DNAH8: variants seen among roughly 807,000 people sequenced by gnomAD.
The protein encoded by DNAH8 is dynein axonemal heavy chain 8.
DNAH8 carries 382 observed loss-of-function variants against 562.1 expected under a neutral mutation model. The ratio of observed to expected loss-of-function variants is 0.68; its 90% CI spans 0.63 to 0.74. The LOEUF (loss-of-function observed/expected upper bound fraction) is 0.74. DNAH8 is among the 30% of genes least tolerant of loss of function. DNAH8 has a pLI of 0.00. For missense variants in DNAH8, 5,203 were observed against 5,620.4 expected (o/e 0.93, Z 2.37); for synonymous variants, 1,881 against 1,919.4 (o/e 0.98, Z 0.52).
rs547871 is a variant in DNAH8 at position 38,945,874 on chromosome 6, C to G, written c.12129+286C>G. ...TGGAATCAGAACCAGTAGATGGACC[C>G]TTTTATTGTAGACGACTCATGCTTT... On this transcript the variant is annotated intron_variant, in intron 80 of 92. Coordinates refer to ENST00000327475, the MANE Select transcript of DNAH8 (RefSeq NM_001206927.2). Among the ~76,000 whole-genome samples the G allele has an allele frequency of 0.31, 46,829 of 152,006 alleles. 8,875 individuals are homozygous for G. The highest frequency in any genetic ancestry group is 0.42 in the Non-Finnish European group (28,840 of 67,944).
intron 3 of DNAH8, among the ~76,000 whole-genome samples, chr6:38,726,515 C>T (rs1191424760): frequency 6.6e-6 from 1 of 152,144 alleles, no homozygotes; most frequent in Non-Finnish European, 1.5e-5. Context: ...ACCTTTAAGG[C>T]CATTATGGTC....
chr6:38,906,411 A>T lies in DNAH8; in HGVS notation c.9348+4A>T, dbSNP rs1429058397. The T allele has an allele frequency of 6.4e-7, 1 of 1,556,296 alleles. No homozygotes were observed. The highest frequency in any genetic ancestry group is 8.7e-7 in the Non-Finnish European group (1 of 1,153,682). ...CAACTTGCTATCTTCAGGGGAGGTA[A>T]GTCTCAAAAGTAGAGAAAAAGCCCA... On this transcript the variant is annotated splice_donor_region_variant and intron_variant, in intron 63 of 92. Transcript: ENST00000327475.
At chr6:38,951,262 T>C in intron 81 of DNAH8, 56 bp from the exon 82 acceptor site, 1 of 1,456,128 alleles carries the variant, frequency 6.9e-7, no homozygotes, top group Non-Finnish European at 9.6e-7. Flanking sequence ...CTTACTCAGA[T>C]AGGATAAAAA....
intron 42 of DNAH8, among the ~76,000 whole-genome samples, chr6:38,859,013 A>T (rs1343954111): frequency 6.6e-6 from 1 of 152,208 alleles, no homozygotes; most frequent in Non-Finnish European, 1.5e-5. Flanking sequence ...CATAAGGAAA[A>T]CTATGAAACC....
chr6:38,800,482 C>A (rs1770690359), intron 21 of DNAH8, among the ~76,000 whole-genome samples: 1 of 152,002 alleles, frequency 6.6e-6, no homozygotes, highest in Non-Finnish European at 1.5e-5. Context: ...ACAAATGTTT[C>A]CCTATTAGCT....
intron 82 of DNAH8, among the ~76,000 whole-genome samples, chr6:38,963,148 A>C (rs1413679128): frequency 2.6e-4 from 39 of 152,222 alleles, no homozygotes; most frequent in Non-Finnish European, 1.5e-5. Context: ...TGTATGTCAA[A>C]AGCACCATAA....
chr6:38,829,981 G>A (rs1262635496), intron 30 of DNAH8, among the ~76,000 whole-genome samples: 1 of 152,066 alleles, frequency 6.6e-6, no homozygotes, highest in Non-Finnish European at 1.5e-5. Flanking sequence ...ATTTCTGTTA[G>A]GCTGGTAGTG....
At position 38,722,950 on chromosome 6, in the gene DNAH8, C is replaced by G; in HGVS notation, c.141C>G (p.Phe47Leu). ...PTVEAPAEDG[F>L]SPSAEDAVSS... ...TGGAGGCCCCGGCAGAAGATGGTTT[C>G]TCTCCTTCCGCAGAAGATGCTGTTT... is the stretch of plus-strand genomic sequence containing the variant. The change falls in exon 2 of 93, where the codon TTC becomes TTG. Residue 47 changes from phenylalanine to leucine, a missense_variant. Phe to Leu is a conservative substitution (Grantham distance 22, BLOSUM62 0). Around this residue, in one of 6 missense-constraint regions of DNAH8, gnomAD observed 556 missense variants for 496.9 expected, o/e 1.12. Transcript: ENST00000327475. 6.2e-7 allele frequency: 1 copy of G among 1,612,674 alleles called. No homozygotes were observed. The highest frequency in any genetic ancestry group is 1.1e-5 in the South Asian group (1 of 91,070).
At chr6:38,987,268 AG>A (rs1011853195) in intron 87 of DNAH8, among the ~76,000 whole-genome samples, 5 of 152,190 alleles carry the variant, frequency 3.3e-5, no homozygotes, top group African/African-American at 1.2e-4. Flanking sequence ...GAGCTCAAGC[AG>A]GGGGATTCCC....
chr6:38,868,482 G>C (rs545003838), intron 48 of DNAH8, among the ~76,000 whole-genome samples: 1 of 152,284 alleles, frequency 6.6e-6, no homozygotes, highest in South Asian at 2.1e-4. Context: ...TATTCACAAA[G>C]TGACACAAAT....
intron 85 of DNAH8, among the ~76,000 whole-genome samples, chr6:38,977,876 C>A (rs1051251703): frequency 4.6e-5 from 7 of 152,268 alleles, no homozygotes; most frequent in African/African-American, 1.7e-4. Flanking sequence ...TCAGCCAATG[C>A]CTGGGCCCCA....
rs199779645 is a variant in DNAH8 at position 38,898,342 on chromosome 6, C to A, written c.9025C>A (p.Leu3009Met). ...NEIIRGTSLD[L>M]VFFKDAMTHL... ...AATCATTAGAGGAACATCTCTTGAT[C>A]TGGTGTTTTTTAAAGATGCAATGAC... The change falls in exon 61 of 93, where the codon CTG becomes ATG. Residue 3009 changes from leucine to methionine, a missense_variant. Physicochemically the swap from Leu to Met is conservative, Grantham distance 15 (BLOSUM62 2). Transcript: ENST00000327475. 141 of 1,584,744 alleles carry A rather than the reference C, an allele frequency of 8.9e-5. No individual in the cohort carries two copies. Among genetic ancestry groups the A allele is most frequent in the Non-Finnish European group, 1.1e-4 (133 of 1,171,022 alleles).
At position 38,770,395 on chromosome 6, in the gene DNAH8, C is replaced by A; in HGVS notation, c.1618-18C>A. On this transcript the variant is annotated intron_variant, in intron 11 of 92. Transcript: ENST00000327475. Reference sequence around the variant, plus strand: ...ATGTCTCACTTTCTTTTCCCTATTTCTTTTACTTTTCTCATAGGACTGCAT... The same window carrying A: ...ATGTCTCACTTTCTTTTCCCTATTTATTTTACTTTTCTCATAGGACTGCAT... 1 of 1,509,450 alleles carries A rather than the reference C, an allele frequency of 6.6e-7. No individual in the cohort carries two copies. Among genetic ancestry groups the A allele is most frequent in the East Asian group, 2.3e-5 (1 of 43,556 alleles). 93.5% of individuals were successfully genotyped at this position (1,509,450 alleles called of 1,614,324 possible).
chr6:38,889,190 G>A (rs1779167942), intron 57 of DNAH8, among the ~76,000 whole-genome samples: 1 of 152,222 alleles, frequency 6.6e-6, no homozygotes, highest in Non-Finnish European at 1.5e-5. Flanking sequence ...CTGCTGTGCA[G>A]CAGTGAAAAT....
chr6:38,776,280 C>T (rs1768066922), intron 13 of DNAH8, among the ~76,000 whole-genome samples: 4 of 148,514 alleles, frequency 2.7e-5, no homozygotes, highest in African/African-American at 7.5e-5. Context: ...TGCAGTGGAG[C>T]GATCTTGGTT....
At chr6:38,882,161 A>G (rs1778545342) in intron 53 of DNAH8, among the ~76,000 whole-genome samples, 1 of 121,338 alleles carries the variant, frequency 8.2e-6, no homozygotes, top group Non-Finnish European at 1.8e-5. Context: ...TGATTTCTCA[A>G]AGAACTTAAA....
intron 26 of DNAH8, among the ~76,000 whole-genome samples, chr6:38,821,932 G>C (rs979024731): frequency 2.0e-5 from 3 of 152,118 alleles, no homozygotes; most frequent in Non-Finnish European, 2.9e-5. Context: ...CTGATGCTTA[G>C]TCCACATGTC....
Position 38,863,880 on chromosome 6 carries a change from A to G in DNAH8, c.6318A>G (p.Ala2106=). 4 of 1,589,812 alleles carry G rather than the reference A, an allele frequency of 2.5e-6. No individual in the cohort carries two copies. Among genetic ancestry groups the G allele is most frequent in the Non-Finnish European group, 3.4e-6 (4 of 1,173,796 alleles). Residue 2106 remains alanine (A), a synonymous_variant, in exon 45 of 93, where the codon GCA becomes GCG. Transcript: ENST00000327475. ...AACTGTTTTTCATGCCAGGTCTTGC[A>G]CAGTCGGGTTCCTGGGGCTGTTTTG... ...RGLGRIFKGL[A]QSGSWGCFDE...
Position 38,951,526 on chromosome 6 carries a change from A to T in DNAH8, c.12451+6A>T, listed in dbSNP as rs369709608. ...GGCCAAGAAACTGAAACTGGGTAAG[A>T]CTAGCAATCTACAAAATGTAGCAAC... On this transcript the variant is annotated splice_donor_region_variant and intron_variant, in intron 82 of 92. Coordinates refer to ENST00000327475, the MANE Select transcript of DNAH8 (RefSeq NM_001206927.2). 5.6e-6 allele frequency: 9 copies of T among 1,605,916 alleles called. No homozygotes were observed. In the African/African-American group the frequency reaches 1.2e-4, roughly 22 times the overall value.
Sources: allele counts gnomAD v4.1 joint callset (sites outside exome capture counted in the v4.1 genomes callset), GRCh38; gene constraint gnomAD v4.1.1; regional missense constraint gnomAD v4.1.1; transcripts MANE v1.5; gene names NCBI Gene and HGNC (gene_info 2026-07-23, HGNC 2026-07-21).